The following FSTL5 variants were observed in gnomAD, a reference collection of about 807,000 sequenced individuals.
The protein encoded by FSTL5 is follistatin like 5, also known as follistatin-related protein 5.
FSTL5 carries 62 observed loss-of-function variants against 89.1 expected under a neutral mutation model. That is an observed-to-expected ratio of 0.70 (90% CI 0.57 to 0.86). The LOEUF (loss-of-function observed/expected upper bound fraction) is 0.86. FSTL5 is among the 40% of genes least tolerant of loss of function. The pLI, the probability that FSTL5 is intolerant of heterozygous loss-of-function variation, is 0.00. For missense variants in FSTL5, 1,057 were observed against 1,001.6 expected (o/e 1.06, Z -0.75); for synonymous variants, 383 against 346.2 (o/e 1.11, Z -1.18).
At chr4:161,445,194 G>C (rs181131259) in intron 15 of FSTL5, among the ~76,000 whole-genome samples, 7 of 151,962 alleles carry the variant, frequency 4.6e-5, no homozygotes, top group Admixed American at 3.9e-4. Context: ...TAGGACAAAA[G>C]GAAAGTTAGA....
chr4:161,568,158 C>T (rs1732884393), intron 8 of FSTL5, among the ~76,000 whole-genome samples: 1 of 151,966 alleles, frequency 6.6e-6, no homozygotes, highest in Non-Finnish European at 1.5e-5. Flanking sequence ...CTTCTCTAGG[C>T]AGCTTTACCC....
At chr4:161,558,117 T>C (rs1203470295) in intron 8 of FSTL5, among the ~76,000 whole-genome samples, 1 of 151,824 alleles carries the variant, frequency 6.6e-6, no homozygotes, top group African/African-American at 2.4e-5. Context: ...TTATGCTGAG[T>C]GAAAAACGTT....
intron 15 of FSTL5, among the ~76,000 whole-genome samples, chr4:161,421,927 T>C (rs1322898026): frequency 6.6e-6 from 1 of 152,180 alleles, no homozygotes; most frequent in East Asian, 1.9e-4. Flanking sequence ...AGTCTCCAGC[T>C]TGCAGACAGC....
At chr4:161,531,015 C>G (rs1218474378) in intron 10 of FSTL5, among the ~76,000 whole-genome samples, 1 of 152,172 alleles carries the variant, frequency 6.6e-6, no homozygotes, top group Non-Finnish European at 1.5e-5. Flanking sequence ...AGCAACCACA[C>G]AATCCCCTAT....
At chr4:162,114,972 A>G (rs1323040616) in intron 1 of FSTL5, among the ~76,000 whole-genome samples, 2 of 152,162 alleles carry the variant, frequency 1.3e-5, no homozygotes, top group African/African-American at 4.8e-5. Flanking sequence ...AATTTATGAT[A>G]TGACTGGATT....
intron 15 of FSTL5, among the ~76,000 whole-genome samples, chr4:161,438,694 T>C (rs1732656589): frequency 6.6e-6 from 1 of 152,152 alleles, no homozygotes; most frequent in Non-Finnish European, 1.5e-5. Flanking sequence ...TGTACAAGGA[T>C]TCAAAATTAA....
chr4:161,815,666 G>T (rs941797888), intron 4 of FSTL5, among the ~76,000 whole-genome samples: 3 of 151,948 alleles, frequency 2.0e-5, no homozygotes, highest in Non-Finnish European at 4.4e-5. Context: ...TATACAATCA[G>T]TACTATTAAA....
intron 4 of FSTL5, among the ~76,000 whole-genome samples, chr4:161,896,803 C>T (rs1356062696): frequency 6.6e-6 from 1 of 152,156 alleles, no homozygotes; most frequent in Non-Finnish European, 1.5e-5. Flanking sequence ...ATTTTGTACA[C>T]TTATATCCTA....
At chr4:161,979,925 A>G (rs1019294377) in intron 3 of FSTL5, among the ~76,000 whole-genome samples, 1 of 152,128 alleles carries the variant, frequency 6.6e-6, no homozygotes, top group Non-Finnish European at 1.5e-5. Flanking sequence ...AGGAATGTAT[A>G]TAATGATTTA....
chr4:161,917,086 G>A lies in FSTL5; in HGVS notation c.409+3318C>T, dbSNP rs773868589. 1.9e-3 allele frequency among the ~76,000 whole-genome samples: 284 copies of A among 152,204 alleles called. 1 individual carries two copies. Among genetic ancestry groups the A allele is most frequent in the Non-Finnish European group, 3.6e-3 (243 of 68,004 alleles). ...ATCTGCCTCAGCCTCCTGAGTAGCT[G>A]GGATTACAGGCGTCTGCCACCACAC... On this transcript the variant is annotated intron_variant, in intron 4 of 15. Coordinates refer to ENST00000306100, the MANE Select transcript of FSTL5 (RefSeq NM_020116.5).
chr4:161,459,442 TTTCC>T, intron 13 of FSTL5, 123 bp from the exon 14 acceptor site: 1 of 579,186 alleles, frequency 1.7e-6, no homozygotes, highest in African/African-American at 1.9e-5. Flanking sequence ...AAATATATAA[TTTCC>T]TTAGCCCTTA....
At chr4:161,698,017 C>T (rs1738235677) in intron 6 of FSTL5, among the ~76,000 whole-genome samples, 1 of 151,784 alleles carries the variant, frequency 6.6e-6, no homozygotes, top group African/African-American at 2.4e-5. Flanking sequence ...GGTTGAAATC[C>T]TAACCCCCAA....
At chr4:162,011,343 A>G (rs1225496514) in intron 3 of FSTL5, among the ~76,000 whole-genome samples, 1 of 152,100 alleles carries the variant, frequency 6.6e-6, no homozygotes, top group East Asian at 1.9e-4. Context: ...CCAAGATCAG[A>G]TTTCCCAAAG....
At chr4:162,003,653 G>A (rs1301095416) in intron 3 of FSTL5, among the ~76,000 whole-genome samples, 1 of 152,090 alleles carries the variant, frequency 6.6e-6, no homozygotes, top group Non-Finnish European at 1.5e-5. Flanking sequence ...CCATAGGAAT[G>A]GCCAATGTAG....
chr4:162,147,616 G>A (rs1733053562), intron 1 of FSTL5, among the ~76,000 whole-genome samples: 1 of 152,138 alleles, frequency 6.6e-6, no homozygotes, highest in South Asian at 2.1e-4. Flanking sequence ...AGTTCTCCTT[G>A]AGATCAGTTT....
At chr4:161,692,746 A>T (rs1299018098) in intron 6 of FSTL5, among the ~76,000 whole-genome samples, 1 of 152,016 alleles carries the variant, frequency 6.6e-6, no homozygotes, top group Non-Finnish European at 1.5e-5. Context: ...TATTTTTGTG[A>T]CAGAGTCTTG....
intron 7 of FSTL5, among the ~76,000 whole-genome samples, chr4:161,653,916 A>G (rs1304691271): frequency 6.6e-6 from 1 of 152,150 alleles, no homozygotes; most frequent in Non-Finnish European, 1.5e-5. Flanking sequence ...ATAGATTAGG[A>G]ATGTTTGTTC....
chr4:161,463,934 A>G (rs978680930), intron 13 of FSTL5, among the ~76,000 whole-genome samples: 2 of 152,078 alleles, frequency 1.3e-5, no homozygotes, highest in Non-Finnish European at 2.9e-5. Flanking sequence ...TCATTATCAC[A>G]TGGTGTCTAA....
chr4:161,872,265 C>T (rs1293486914), intron 4 of FSTL5, among the ~76,000 whole-genome samples: 3 of 150,594 alleles, frequency 2.0e-5, no homozygotes, highest in African/African-American at 7.3e-5. Context: ...GCCATTGTGC[C>T]CAGCCTAAAG....
Sources: allele counts gnomAD v4.1 joint callset (sites outside exome capture counted in the v4.1 genomes callset), GRCh38; gene constraint gnomAD v4.1.1; transcripts MANE v1.5; gene names NCBI Gene and HGNC (gene_info 2026-07-23, HGNC 2026-07-21).